SORCS1: variants seen among roughly 807,000 people sequenced by gnomAD.
The protein encoded by SORCS1 is sortilin related VPS10 domain containing receptor 1.
In SORCS1, 60 loss-of-function variants were observed where a neutral mutation model predicts 146.1. The ratio of observed to expected loss-of-function variants is 0.41; its 90% CI spans 0.33 to 0.51. The LOEUF is 0.51. Among genes scored for constraint, SORCS1 ranks in the 20% least tolerant of loss-of-function variants. SORCS1 has a pLI of 0.21. For missense variants in SORCS1, 1,352 were observed against 1,487.6 expected, an observed-to-expected ratio of 0.91 and a Z score of 1.50; for synonymous variants, 637 against 584.0, an observed-to-expected ratio of 1.09 and a Z score of -1.31.
At chr10:106,832,664 A>G (rs1428114352) in intron 2 of SORCS1, among the ~76,000 whole-genome samples, 1 of 152,144 alleles carries the variant, frequency 6.6e-6, no homozygotes, top group Admixed American at 6.5e-5. Context: ...GAACAAAAAA[A>G]CCAGATGCAA....
intron 3 of SORCS1, among the ~76,000 whole-genome samples, chr10:106,794,383 T>A (rs1564664639): frequency 6.6e-6 from 1 of 152,178 alleles, no homozygotes; most frequent in Non-Finnish European, 1.5e-5. Context: ...TGCATCCTTC[T>A]GGCTGTTCAA....
intron 17 of SORCS1, among the ~76,000 whole-genome samples, chr10:106,665,901 C>T (rs748310414): frequency 1.1e-4 from 16 of 152,204 alleles, no homozygotes; most frequent in South Asian, 2.1e-4. Flanking sequence ...TGCAGTGGCA[C>T]GATTTCAGCT....
chr10:106,763,891 T>C (rs1165888601), intron 4 of SORCS1, among the ~76,000 whole-genome samples: 1 of 152,214 alleles, frequency 6.6e-6, no homozygotes, highest in Non-Finnish European at 1.5e-5. Context: ...TTTAATGAGA[T>C]TGCAAAGCTT....
intron 5 of SORCS1, among the ~76,000 whole-genome samples, chr10:106,751,770 C>T (rs928453671): frequency 6.6e-6 from 1 of 152,084 alleles, no homozygotes; most frequent in Non-Finnish European, 1.5e-5. Context: ...TCAGTCTCTG[C>T]GTTGATGGAT....
chr10:106,738,198 G>T (rs1857101586), intron 5 of SORCS1, among the ~76,000 whole-genome samples: 3 of 152,152 alleles, frequency 2.0e-5, no homozygotes, highest in Admixed American at 2.0e-4. Context: ...TAGTCAAAGG[G>T]ATCCTTATCT....
At chr10:106,858,439 G>A (rs1166571860) in intron 2 of SORCS1, among the ~76,000 whole-genome samples, 1 of 151,906 alleles carries the variant, frequency 6.6e-6, no homozygotes, top group East Asian at 1.9e-4. Flanking sequence ...CTGACAAGGG[G>A]AAACCCCGTC....
At chr10:106,980,066 ACT>A (rs1956188088) in intron 1 of SORCS1, among the ~76,000 whole-genome samples, 1 of 152,178 alleles carries the variant, frequency 6.6e-6, no homozygotes, top group Non-Finnish European at 1.5e-5. Context: ...AGAACCAAAG[ACT>A]CTAGAGCAAT....
chr10:106,972,635 G>A (rs760822723), intron 1 of SORCS1, among the ~76,000 whole-genome samples: 2 of 151,800 alleles, frequency 1.3e-5, no homozygotes, highest in African/African-American at 2.4e-5. Context: ...GCTCAGTGCC[G>A]TAGACAAGAG....
At chr10:106,736,602 T>TTAAAAATAAAAAAAAAAAAAAAA (rs1433395056) in intron 5 of SORCS1, among the ~76,000 whole-genome samples, 1 of 38,758 alleles carries the variant, frequency 2.6e-5, no homozygotes, top group Admixed American at 3.3e-4. Flanking sequence ...TAACCCTGGT[T>TTAAAAATAAAAAAAAAAAAAAAA]AAAAAAAAAA....
chr10:106,920,879 G>C (rs1241795562), intron 2 of SORCS1, among the ~76,000 whole-genome samples: 1 of 152,088 alleles, frequency 6.6e-6, no homozygotes, highest in Non-Finnish European at 1.5e-5. Flanking sequence ...TCACCTGGCA[G>C]CTCAACTCTA....
intron 10 of SORCS1, among the ~76,000 whole-genome samples, chr10:106,682,979 A>G (rs1436589490): frequency 1.3e-5 from 2 of 152,140 alleles, no homozygotes; most frequent in Non-Finnish European, 2.9e-5. Context: ...CATATCATCA[A>G]TTGGTAAATT....
chr10:106,978,379 T>G (rs1956122015), intron 1 of SORCS1, among the ~76,000 whole-genome samples: 2 of 152,188 alleles, frequency 1.3e-5, no homozygotes, highest in Admixed American at 6.5e-5. Flanking sequence ...TTTATGTGTA[T>G]AATAAAGTAT....
intron 3 of SORCS1, among the ~76,000 whole-genome samples, chr10:106,780,158 T>C (rs1172997527): frequency 6.6e-6 from 1 of 152,220 alleles, no homozygotes; most frequent in Non-Finnish European, 1.5e-5. Context: ...TAGACATAGA[T>C]GATATTGTTC....
intron 18 of SORCS1, among the ~76,000 whole-genome samples, chr10:106,636,269 A>G (rs1190655657): frequency 6.6e-6 from 1 of 152,182 alleles, no homozygotes; most frequent in Non-Finnish European, 1.5e-5. Context: ...CACTAAAGAA[A>G]AAAAAAATAG....
At chr10:106,995,584 G>A (rs1246313664) in intron 1 of SORCS1, among the ~76,000 whole-genome samples, 1 of 152,138 alleles carries the variant, frequency 6.6e-6, no homozygotes, top group African/African-American at 2.4e-5. Context: ...CACTGGGTGA[G>A]ATACATGTTC....
At chr10:106,925,734 G>A (rs1239224305) in intron 2 of SORCS1, among the ~76,000 whole-genome samples, 1 of 152,166 alleles carries the variant, frequency 6.6e-6, no homozygotes, top group Admixed American at 6.5e-5. Context: ...TTTTTATGAT[G>A]AAATTGTACC....
At chr10:106,958,343 A>T (rs1415944379) in intron 1 of SORCS1, among the ~76,000 whole-genome samples, 1 of 152,214 alleles carries the variant, frequency 6.6e-6, no homozygotes, top group Non-Finnish European at 1.5e-5. Context: ...TTCTTCTCTG[A>T]AGGCCAAGGG....
intron 2 of SORCS1, among the ~76,000 whole-genome samples, chr10:106,833,429 C>A (rs1015885262): frequency 6.6e-6 from 1 of 152,180 alleles, no homozygotes; most frequent in Non-Finnish European, 1.5e-5. Flanking sequence ...CAAGTTTCAT[C>A]GGTAGAACCA....
Position 107,038,384 on chromosome 10 carries a change from A to C in SORCS1, c.559-81804T>G, listed in dbSNP as rs1430703647. ...TACGGGTCCTAAAATCAGACAGAGG[A>C]CTGTCGTGGGGTGGGTGGGGGGGGA... On this transcript the variant is annotated intron_variant, in intron 1 of 25. Coordinates refer to ENST00000263054, the MANE Select transcript of SORCS1 (RefSeq NM_052918.5). 3.0e-5 allele frequency among the ~76,000 whole-genome samples: 3 copies of C among 99,348 alleles called. No homozygotes were observed. In the Admixed American group the frequency reaches 4.6e-4, roughly 15 times the overall value. The allele number at this position is 99,348 out of a possible 152,430, so 65.2% of individuals were successfully genotyped here.
Sources: gnomAD v4.1 joint callset for allele counts (sites outside exome capture counted in the v4.1 genomes callset) on GRCh38, gnomAD v4.1.1 for gene constraint, MANE v1.5 for transcripts, NCBI Gene and HGNC (gene_info 2026-07-23, HGNC 2026-07-21) for gene names.